Variants in SLC24A3 observed in about 807,000 individuals in gnomAD.
SLC24A3 encodes solute carrier family 24 member 3, also known as sodium/potassium/calcium exchanger 3.
Under a neutral mutation model 75.8 loss-of-function variants are expected in SLC24A3, and 28 were observed. The ratio of observed to expected loss-of-function variants is 0.37; its 90% CI spans 0.27 to 0.51. The LOEUF is 0.51. SLC24A3 is among the 20% of genes least tolerant of loss of function. The probability of loss-of-function intolerance (pLI) is 0.94; values close to 1 mark genes in which losing one functional copy is unlikely to be tolerated. For missense variants in SLC24A3, 663 were observed against 847.8 expected, an observed-to-expected ratio of 0.78 and a Z score of 2.71; for synonymous variants, 372 against 334.1, an observed-to-expected ratio of 1.11 and a Z score of -1.24.
At chr20:19,450,328 G>T (rs971418254) in intron 2 of SLC24A3, among the ~76,000 whole-genome samples, 1 of 152,136 alleles carries the variant, frequency 6.6e-6, no homozygotes, top group Non-Finnish European at 1.5e-5. Context: ...CCTGGCACTT[G>T]TTACACTTTC....
intron 3 of SLC24A3, among the ~76,000 whole-genome samples, chr20:19,516,971 G>A (rs1337311885): frequency 2.0e-5 from 3 of 152,162 alleles, no homozygotes; most frequent in Non-Finnish European, 4.4e-5. Context: ...AGGCCACCTT[G>A]ATCTTGACTC....
At chr20:19,315,283 C>T (rs1039007032) in intron 2 of SLC24A3, among the ~76,000 whole-genome samples, 12 of 152,154 alleles carry the variant, frequency 7.9e-5, no homozygotes, top group African/African-American at 2.7e-4. Flanking sequence ...GAGGCTGCGG[C>T]AGCAGCCTGG....
chr20:19,647,611 G>A lies in SLC24A3; in HGVS notation c.613-6451G>A, dbSNP rs535287662. 4.1e-4 allele frequency among the ~76,000 whole-genome samples: 62 copies of A among 152,284 alleles called. No individual in the cohort carries two copies. The South Asian group carries it at 0.01, about 25-fold the overall frequency. ...TGACTCCCTGTGAATTCTGATGTGT[G>A]GGGGAACACTCTGAACTACCAAATT... On this transcript the variant is annotated intron_variant, in intron 6 of 16. Transcript: ENST00000328041.
At chr20:19,505,611 G>C (rs892700658) in intron 2 of SLC24A3, among the ~76,000 whole-genome samples, 2 of 152,186 alleles carry the variant, frequency 1.3e-5, no homozygotes, top group African/African-American at 4.8e-5. Context: ...ACCACCGTGA[G>C]CAACCAGAGC....
intron 2 of SLC24A3, among the ~76,000 whole-genome samples, chr20:19,429,003 TC>T (rs1987058580): frequency 1.3e-5 from 2 of 152,120 alleles, no homozygotes; most frequent in African/African-American, 4.8e-5. Flanking sequence ...GGTTCTTCCC[TC>T]CCCCTCCAGT....
intron 1 of SLC24A3, among the ~76,000 whole-genome samples, chr20:19,263,412 T>C (rs1983058896): frequency 6.6e-6 from 1 of 152,188 alleles, no homozygotes; most frequent in Admixed American, 6.5e-5. Context: ...ATACCAGTGC[T>C]CCTTGTCAGG....
At chr20:19,390,834 C>A (rs935140480) in intron 2 of SLC24A3, among the ~76,000 whole-genome samples, 1 of 152,208 alleles carries the variant, frequency 6.6e-6, no homozygotes, top group Non-Finnish European at 1.5e-5. Flanking sequence ...GGCCTGGAGA[C>A]TGGGTCTGCA....
intron 6 of SLC24A3, among the ~76,000 whole-genome samples, chr20:19,646,113 A>G (rs1192768377): frequency 6.6e-6 from 1 of 152,214 alleles, no homozygotes; most frequent in African/African-American, 2.4e-5. Context: ...GGCAACATAG[A>G]ACAGGTTCAA....
At chr20:19,635,509 T>C (rs2031989569) in intron 6 of SLC24A3, among the ~76,000 whole-genome samples, 1 of 152,232 alleles carries the variant, frequency 6.6e-6, no homozygotes, top group South Asian at 2.1e-4. Flanking sequence ...AACTTAGTTA[T>C]GTAAAACAAC....
At chr20:19,364,150 A>AT (rs1401967995) in intron 2 of SLC24A3, among the ~76,000 whole-genome samples, 1 of 151,984 alleles carries the variant, frequency 6.6e-6, no homozygotes, top group Non-Finnish European at 1.5e-5. Flanking sequence ...CCAAGAGGAG[A>AT]TATCTGGTGT....
At chr20:19,467,846 A>C (rs1987794559) in intron 2 of SLC24A3, among the ~76,000 whole-genome samples, 2 of 150,210 alleles carry the variant, frequency 1.3e-5, no homozygotes, top group South Asian at 4.2e-4. Flanking sequence ...ACACCACTGC[A>C]CTCCAGCCTG....
Position 19,318,610 on chromosome 20 carries a change from A to C in SLC24A3, c.271+37523A>C, listed in dbSNP as rs530094077. On this transcript the variant is annotated intron_variant, in intron 2 of 16. Transcript: ENST00000328041. ...GAGACACCACATGTACTCCTTTGCC[A>C]CAAAGAGGCCCCCTTGCAATCTCCA... Among the ~76,000 whole-genome samples, 21 of 152,270 alleles carry C rather than the reference A, an allele frequency of 1.4e-4. No homozygotes were observed. The South Asian group carries it at 3.9e-3, about 29-fold the overall frequency.
chr20:19,525,366 G>T (rs188113684), intron 3 of SLC24A3, among the ~76,000 whole-genome samples: 97 of 152,292 alleles, frequency 6.4e-4, no homozygotes, highest in African/African-American at 2.1e-3. Context: ...AAGGAGGCCA[G>T]GGCAGAGACT....
intron 6 of SLC24A3, among the ~76,000 whole-genome samples, chr20:19,648,350 C>T (rs2032162200): frequency 6.6e-6 from 1 of 152,154 alleles, no homozygotes; most frequent in African/African-American, 2.4e-5. Flanking sequence ...TCTCAAATCC[C>T]TTTTCCATGA....
chr20:19,687,564 A>G (rs1410820786), intron 12 of SLC24A3, among the ~76,000 whole-genome samples: 3 of 152,216 alleles, frequency 2.0e-5, no homozygotes, highest in African/African-American at 7.2e-5. Flanking sequence ...TTATTTCGCT[A>G]AAATCTTTCA....
chr20:19,517,932 C>G (rs1022432726), intron 3 of SLC24A3, among the ~76,000 whole-genome samples: 2 of 152,298 alleles, frequency 1.3e-5, no homozygotes, highest in East Asian at 3.9e-4. Flanking sequence ...AAGATCAAAT[C>G]TTGTTATCCT....
chr20:19,386,605 T>G (rs536858400), intron 2 of SLC24A3, among the ~76,000 whole-genome samples: 21 of 152,304 alleles, frequency 1.4e-4, no homozygotes, highest in African/African-American at 5.1e-4. Context: ...CCTAATTTTC[T>G]GGGAGTTTTT....
intron 9 of SLC24A3, among the ~76,000 whole-genome samples, chr20:19,674,007 G>C (rs1228769559): frequency 1.3e-5 from 2 of 152,212 alleles, no homozygotes; most frequent in Non-Finnish European, 2.9e-5. Flanking sequence ...TAGAGGGTGA[G>C]AGAAGATGCA....
intron 3 of SLC24A3, among the ~76,000 whole-genome samples, chr20:19,535,059 C>A (rs748901936): frequency 3.3e-5 from 5 of 152,132 alleles, no homozygotes; most frequent in Non-Finnish European, 7.4e-5. Flanking sequence ...CCACAGAACT[C>A]TTTTTAACAG....
Sources: allele counts gnomAD v4.1 joint callset (sites outside exome capture counted in the v4.1 genomes callset), GRCh38; gene constraint gnomAD v4.1.1; transcripts MANE v1.5; gene names NCBI Gene and HGNC (gene_info 2026-07-23, HGNC 2026-07-21).